RALGDS: variants seen among roughly 807,000 people sequenced by gnomAD.
RALGDS encodes ral guanine nucleotide dissociation stimulator, also known as ral guanine nucleotide exchange factor.
RALGDS carries 44 observed loss-of-function variants against 99.8 expected under a neutral mutation model. The ratio of observed to expected loss-of-function variants is 0.44; its 90% CI spans 0.35 to 0.57. The LOEUF (loss-of-function observed/expected upper bound fraction) is 0.57, where lower values mean the gene tolerates loss of function less well. RALGDS is among the 20% of genes least tolerant of loss of function. The pLI is 0.01. For missense variants in RALGDS, 1,022 were observed against 1,203.1 expected, an observed-to-expected ratio of 0.85 and a Z score of 2.23; for synonymous variants, 529 against 505.0, an observed-to-expected ratio of 1.05 and a Z score of -0.64.
At chr9:133,106,810 G>C in intron 7 of RALGDS, 62 bp from the exon 8 acceptor site, 1 of 1,330,312 alleles carries the variant, frequency 7.5e-7, no homozygotes, top group Non-Finnish European at 1.1e-6. Context: ...CCTGGCCTCA[G>C]TCCCCCTTGG....
At chr9:133,112,190 T>G in intron 1 of RALGDS, 38 bp from the exon 2 acceptor site, 1 of 1,438,212 alleles carries the variant, frequency 7.0e-7, no homozygotes, top group East Asian at 2.5e-5. Context: ...CGCGGGGACG[T>G]CAAGGGCCTG....
chr9:133,113,260 G>C (rs553634439), intron 1 of RALGDS, among the ~76,000 whole-genome samples: 1 of 152,192 alleles, frequency 6.6e-6, no homozygotes, highest in South Asian at 2.1e-4. Context: ...GCTCAGAGAA[G>C]GCCTGGCAGA....
At chr9:133,110,587 G>A in intron 2 of RALGDS, 98 bp from the exon 3 acceptor site, 1 of 1,038,452 alleles carries the variant, frequency 9.6e-7, no homozygotes, top group Non-Finnish European at 1.5e-6. Context: ...TGTGGCAAGA[G>A]GCAGGACTGA....
At position 133,110,373 on chromosome 9, in the gene RALGDS, G is replaced by C. The variant is rs148205731; in HGVS notation, c.411C>G (p.Leu137=). The C allele has an allele frequency of 2.5e-6, 4 of 1,613,646 alleles. No homozygotes were observed. In the African/African-American group the frequency reaches 5.3e-5, roughly 22 times the overall value. The part of the protein sequence containing the change: ...HLVPAFQGSD[L]SYVTIFLCTY... Reference sequence around the variant, plus strand: ...TACACAGGAAGATGGTGACGTAGGAGAGGTCGCTGCCCTGGAAGGCTGGCA... The same window carrying C: ...TACACAGGAAGATGGTGACGTAGGACAGGTCGCTGCCCTGGAAGGCTGGCA... The change falls in exon 3 of 18, where the codon CTC becomes CTG. Residue 137 remains leucine, a synonymous_variant. Coordinates refer to ENST00000372050, the MANE Select transcript of RALGDS (RefSeq NM_006266.4).
chr9:133,104,380 C>G, intron 9 of RALGDS, 49 bp from the exon 10 acceptor site: 2 of 1,527,398 alleles, frequency 1.3e-6, no homozygotes, highest in East Asian at 4.5e-5. Context: ...CCTCAGCCCT[C>G]AGGCACCCTG....
At chr9:133,124,047 G>T (rs200756639), upstream of RALGDS, among the ~76,000 whole-genome samples, 54 of 85,812 alleles carry the variant, frequency 6.3e-4, 2 homozygotes, top group African/African-American at 1.6e-3. Flanking sequence ...GAGACACACA[G>T]AGAGACAGAG....
chr9:133,108,429 CA>C (rs1174828837), intron 5 of RALGDS, 23 bp from the exon 6 acceptor site: 22 of 1,531,160 alleles, frequency 1.4e-5, no homozygotes, highest in Non-Finnish European at 1.8e-5. Flanking sequence ...AAAAGTTCAA[CA>C]ACATGCCAGC....
chr9:133,108,938 C>T, intron 4 of RALGDS, 72 bp from the exon 5 acceptor site: 2 of 1,450,624 alleles, frequency 1.4e-6, no homozygotes, highest in Non-Finnish European at 1.9e-6. Flanking sequence ...CCTGAGCCGG[C>T]CCCTGTCCAT....
chr9:133,106,936 G>T, intron 7 of RALGDS, 149 bp downstream of exon 7: 1 of 963,372 alleles, frequency 1.0e-6, no homozygotes, highest in South Asian at 1.4e-5. Flanking sequence ...TAAGGAAGAC[G>T]TGAGCATCCA....
chr9:133,104,645 C>A, intron 9 of RALGDS: 1 of 348,424 alleles, frequency 2.9e-6, no homozygotes, highest in Non-Finnish European at 5.5e-6. Flanking sequence ...AACCCCATCT[C>A]TACTAAAAAA....
At chr9:133,101,081 C>A in intron 16 of RALGDS, 1 of 1,111,264 alleles carries the variant, frequency 9.0e-7, no homozygotes, top group Non-Finnish European at 1.1e-6. Flanking sequence ...AGACTCTGAC[C>A]CTGCTGGCCC....
At chr9:133,103,642 T>C in intron 11 of RALGDS, 105 bp downstream of exon 11, 1 of 1,187,966 alleles carries the variant, frequency 8.4e-7, no homozygotes, top group South Asian at 1.2e-5. Flanking sequence ...AGCAGGGCAC[T>C]GAGCTGTTTA....
intron 3 of RALGDS, 50 bp from the exon 4 acceptor site, chr9:133,109,771 G>T: frequency 6.6e-7 from 1 of 1,503,962 alleles, no homozygotes. Context: ...TAGAACGGAG[G>T]CCCAGGAGGG....
rs1491217415 is a variant in RALGDS, at chr9:133,098,028, T to TC, written c.*558dup. The TC allele has an allele frequency of 7.9e-6, 2 of 254,694 alleles. No individual in the cohort carries two copies. The highest frequency in any genetic ancestry group is 1.5e-5 in the Non-Finnish European group (2 of 130,576). The allele number at this position is 254,694 out of a possible 1,614,324, so 15.8% of individuals were successfully genotyped here. On this transcript the variant is annotated 3_prime_UTR_variant, in exon 18 of 18. Coordinates refer to ENST00000372050, the MANE Select transcript of RALGDS (RefSeq NM_006266.4). ...CAGAGTCTGGTCCATGAAGAGGGTTTCTCTCTCTGCTCCCAGGGGAGGGCT... is the reference window on the plus strand; with the variant it reads ...CAGAGTCTGGTCCATGAAGAGGGTTTCCTCTCTCTGCTCCCAGGGGAGGGCT...
intron 1 of RALGDS, among the ~76,000 whole-genome samples, chr9:133,136,129 C>T (rs1588569476): frequency 6.6e-6 from 1 of 152,084 alleles, no homozygotes; most frequent in Non-Finnish European, 1.5e-5. Context: ...CAAGTGCCAG[C>T]GATAGACCAG....
At chr9:133,136,918 G>T (rs1479467559) in intron 1 of RALGDS, among the ~76,000 whole-genome samples, 1 of 152,044 alleles carries the variant, frequency 6.6e-6, no homozygotes, top group African/African-American at 2.4e-5. Flanking sequence ...CAGCCTAGGC[G>T]ACAGAGCAAG....
At chr9:133,107,791 T>C (rs1223197069) in intron 6 of RALGDS, among the ~76,000 whole-genome samples, 197 bp downstream of exon 6, 2 of 152,238 alleles carry the variant, frequency 1.3e-5, no homozygotes, top group Non-Finnish European at 2.9e-5. Context: ...CTCTGGAGGA[T>C]AGGGGTGACC....
chr9:133,141,982 G>A (rs761804485), intron 1 of RALGDS, among the ~76,000 whole-genome samples: 2 of 152,190 alleles, frequency 1.3e-5, no homozygotes, highest in Non-Finnish European at 2.9e-5. Flanking sequence ...GGTACCACAC[G>A]TGGTACCCCA....
exon 1 of RALGDS, chr9:133,131,073 C>A: frequency 6.6e-7 from 1 of 1,504,962 alleles, no homozygotes; most frequent in South Asian, 1.3e-5. Context: ...GGAGTGCCCC[C>A]ACAGGCACAT....
Sources: allele counts gnomAD v4.1 joint callset (sites outside exome capture counted in the v4.1 genomes callset), GRCh38; gene constraint gnomAD v4.1.1; transcripts MANE v1.5; gene names NCBI Gene and HGNC (gene_info 2026-07-23, HGNC 2026-07-21).